NMNAT3: variants seen among roughly 807,000 people sequenced by gnomAD.
NMNAT3 encodes nicotinamide nucleotide adenylyltransferase 3, also known as nicotinamide/nicotinic acid mononucleotide adenylyltransferase 3.
NMNAT3 carries 21 observed loss-of-function variants against 24.8 expected under a neutral mutation model. The observed-to-expected ratio is 0.85, with a 90% CI of 0.60 to 1.22. NMNAT3 has a LOEUF of 1.22. Among genes scored for constraint, NMNAT3 ranks in the 50% most tolerant of loss-of-function variants. NMNAT3 has a pLI of 0.00. For synonymous variants in NMNAT3, 136 were observed against 155.2 expected, an observed-to-expected ratio of 0.88 and a Z score of 0.92; for missense variants, 387 against 436.6, an observed-to-expected ratio of 0.89 and a Z score of 1.01.
rs542990783 is a variant in NMNAT3 at position 139,676,270 on chromosome 3, G to A, written c.-141+1435C>T. 4.6e-5 allele frequency among the ~76,000 whole-genome samples: 7 copies of A among 152,292 alleles called. No homozygotes were observed. In the East Asian group the frequency reaches 1.3e-3, roughly 29 times the overall value. The stretch of plus-strand genomic sequence containing the variant: ...TGTGAACAGAGCCAAATAAGAAATT[G>A]GGATCATTTGAGCCAATAAAATACA... On this transcript the variant is annotated intron_variant, in intron 1 of 6. Transcript: ENST00000643695.
Position 139,671,323 on chromosome 3 carries a change from A to G in NMNAT3, c.-141+6382T>C, listed in dbSNP as rs114358330. On this transcript the variant is annotated intron_variant, in intron 1 of 6. Coordinates refer to ENST00000643695, the MANE Select transcript of NMNAT3 (RefSeq NM_001320510.2). ...TAATCTTCATATTTCTAAGTACTAC[A>G]TAATACTCCATCAGCCTGTCGTTCT... Among the ~76,000 whole-genome samples the G allele has an allele frequency of 9.4e-3, 1,429 of 152,280 alleles. 10 individuals carry two copies. Among genetic ancestry groups the G allele is most frequent in the Non-Finnish European group, 0.014 (955 of 68,012 alleles).
chr3:139,631,309 G>A (rs1024760987), intron 2 of NMNAT3, among the ~76,000 whole-genome samples: 5 of 152,070 alleles, frequency 3.3e-5, no homozygotes, highest in Non-Finnish European at 7.4e-5. Context: ...CAAACCCAGC[G>A]AAATACAGTG....
At chr3:139,630,691 C>T (rs1195819797) in intron 2 of NMNAT3, among the ~76,000 whole-genome samples, 1 of 152,162 alleles carries the variant, frequency 6.6e-6, no homozygotes, top group Non-Finnish European at 1.5e-5. Flanking sequence ...AGCTCTCAGC[C>T]TAGGCGGGCC....
intron 5 of NMNAT3, among the ~76,000 whole-genome samples, chr3:139,577,250 G>A (rs1939467200): frequency 1.3e-5 from 2 of 152,140 alleles, no homozygotes; most frequent in African/African-American, 4.8e-5. Flanking sequence ...ATCCATGAAT[G>A]GCTTATCTGT....
chr3:139,620,557 T>C (rs950575328), intron 3 of NMNAT3, among the ~76,000 whole-genome samples: 1 of 152,190 alleles, frequency 6.6e-6, no homozygotes, highest in Non-Finnish European at 1.5e-5. Flanking sequence ...TGTTTAACTA[T>C]TCACATGTTG....
At chr3:139,648,679 C>T (rs1426309064) in intron 1 of NMNAT3, among the ~76,000 whole-genome samples, 3 of 152,148 alleles carry the variant, frequency 2.0e-5, no homozygotes, top group South Asian at 4.1e-4. Flanking sequence ...TACCTGCAAA[C>T]ATATGTCATC....
chr3:139,583,124 T>C lies in NMNAT3; in HGVS notation c.194A>G (p.Gln65Arg). Residue 65 changes from glutamine to arginine, a missense_variant, in exon 4 of 7, where the codon CAA becomes CGA. This residue lies in a region of NMNAT3 where 13 missense variants were observed against 35.8 expected (regional missense o/e 0.36). Coordinates refer to ENST00000643695, the MANE Select transcript of NMNAT3 (RefSeq NM_001320510.2). ...GCTAACATTATTTTGAATCCTTTTTTGCAGATGAAAAGAAATATCTTTTAT... is the reference window on the plus strand; with the variant it reads ...GCTAACATTATTTTGAATCCTTTTTCGCAGATGAAAAGAAATATCTTTTAT... The C allele has an allele frequency of 6.6e-7, 1 of 1,504,032 alleles. No homozygotes were observed. Among genetic ancestry groups the C allele is most frequent in the Non-Finnish European group, 9.2e-7 (1 of 1,085,012 alleles). The allele number at this position is 1,504,032 out of a possible 1,614,324, so 93.2% of individuals were successfully genotyped here.
At chr3:139,582,190 C>CAAA (rs756159164) in intron 4 of NMNAT3, among the ~76,000 whole-genome samples, 66 of 22,956 alleles carry the variant, frequency 2.9e-3, no homozygotes, top group East Asian at 8.5e-3. Context: ...GACTCCCTCT[C>CAAA]AAAAAAAAAA....
At chr3:139,582,206 A>AG (rs2053661238) in intron 4 of NMNAT3, among the ~76,000 whole-genome samples, 1 of 150,040 alleles carries the variant, frequency 6.7e-6, no homozygotes, top group African/African-American at 2.5e-5. Flanking sequence ...AAAAAAAAAA[A>AG]AAAAAAAAGA....
chr3:139,646,300 G>A (rs2056868570), intron 1 of NMNAT3, among the ~76,000 whole-genome samples: 1 of 152,216 alleles, frequency 6.6e-6, no homozygotes, highest in South Asian at 2.1e-4. Context: ...CACTGGCTTA[G>A]AAAGTGACAA....
At chr3:139,604,886 A>G (rs1046247584) in intron 3 of NMNAT3, among the ~76,000 whole-genome samples, 4 of 152,218 alleles carry the variant, frequency 2.6e-5, no homozygotes, top group African/African-American at 9.6e-5. Flanking sequence ...CGAAAAACCA[A>G]CAAGTGCAAA....
At chr3:139,607,911 G>C (rs530983939) in intron 3 of NMNAT3, among the ~76,000 whole-genome samples, 165 of 152,068 alleles carry the variant, frequency 1.1e-3, no homozygotes, top group African/African-American at 2.9e-3. Flanking sequence ...TTTCCCCAAG[G>C]CCTAACTCCG....
chr3:139,570,011 G>A (rs1047363467), intron 6 of NMNAT3: 4 of 152,104 alleles, frequency 2.6e-5, no homozygotes, highest in African/African-American at 9.7e-5. Flanking sequence ...TTTTCATATA[G>A]TCCCATATTT....
intron 3 of NMNAT3, among the ~76,000 whole-genome samples, chr3:139,590,904 T>G (rs936888755): frequency 2.6e-5 from 4 of 152,208 alleles, no homozygotes; most frequent in African/African-American, 9.6e-5. Context: ...ACATCACTTT[T>G]AATAGCTGCA....
In NMNAT3 at chr3:139,656,004, C is replaced by T. The variant is rs1438696352; in HGVS notation, c.-140-17942G>A. On this transcript the variant is annotated intron_variant, in intron 1 of 6. Transcript: ENST00000643695. ...GGAATTTTAAAAGATTAGAATGTCA[C>T]TAACTCAGATGCATCCAAGCAACTA... is the stretch of plus-strand genomic sequence containing the variant. 2.6e-5 allele frequency among the ~76,000 whole-genome samples: 4 copies of T among 152,344 alleles called. No homozygotes were observed. The East Asian group carries it at 5.8e-4, about 22-fold the overall frequency.
chr3:139,647,645 C>A (rs1451784140), intron 1 of NMNAT3, among the ~76,000 whole-genome samples: 2 of 152,062 alleles, frequency 1.3e-5, no homozygotes, highest in African/African-American at 4.8e-5. Flanking sequence ...AAGATGCTGG[C>A]CTTGAAGTTT....
intron 3 of NMNAT3, among the ~76,000 whole-genome samples, chr3:139,626,273 G>A (rs985868520): frequency 1.1e-4 from 17 of 151,892 alleles, no homozygotes; most frequent in South Asian, 8.3e-4. Context: ...AAGTTTTCCC[G>A]TATCTCATTG....
intron 3 of NMNAT3, among the ~76,000 whole-genome samples, chr3:139,591,476 G>T (rs1227024914): frequency 6.6e-6 from 1 of 152,152 alleles, no homozygotes; most frequent in Non-Finnish European, 1.5e-5. Context: ...CACAGCTCAA[G>T]GAGGCCTGCC....
chr3:139,624,929 T>C (rs1426414300), intron 3 of NMNAT3, among the ~76,000 whole-genome samples: 1 of 152,242 alleles, frequency 6.6e-6, no homozygotes, highest in Non-Finnish European at 1.5e-5. Context: ...TATTAATTAC[T>C]GAGAAGAGCA....
Sources: gnomAD v4.1 joint callset for allele counts (sites outside exome capture counted in the v4.1 genomes callset) on GRCh38, gnomAD v4.1.1 for gene constraint, gnomAD v4.1.1 regional missense constraint, MANE v1.5 for transcripts, NCBI Gene and HGNC (gene_info 2026-07-23, HGNC 2026-07-21) for gene names.